The following DST variants were observed in gnomAD, a reference collection of about 807,000 sequenced individuals.
DST encodes the protein bullous pemphigoid antigen.
A neutral mutation model predicts 875.2 loss-of-function variants in DST; 253 were observed. That is an observed-to-expected ratio of 0.29 (90% CI 0.26 to 0.32). The LOEUF is 0.32. DST is among the 10% of genes least tolerant of loss of function. The probability of loss-of-function intolerance (pLI) is 1.00; values close to 1 mark genes in which losing one functional copy is unlikely to be tolerated. For synonymous variants in DST, 3,124 were observed against 3,197.1 expected, an observed-to-expected ratio of 0.98 and a Z score of 0.77; for missense variants, 8,287 against 9,111.6, an observed-to-expected ratio of 0.91 and a Z score of 3.68.
chr6:56,764,976 AG>A (rs2099629265), intron 4 of DST, among the ~76,000 whole-genome samples: 1 of 43,968 alleles, frequency 2.3e-5, no homozygotes, highest in African/African-American at 9.2e-5. Flanking sequence ...GAAGAAAGGG[AG>A]GGAGGGAGGG....
At chr6:56,538,627 T>A (rs548196164) in intron 61 of DST, among the ~76,000 whole-genome samples, 1 of 152,318 alleles carries the variant, frequency 6.6e-6, no homozygotes, top group African/African-American at 2.4e-5. Flanking sequence ...ACTGTATACA[T>A]GAGTAAATTA....
intron 4 of DST, among the ~76,000 whole-genome samples, chr6:56,742,825 C>G (rs769956206): frequency 2.0e-5 from 3 of 152,208 alleles, no homozygotes; most frequent in Non-Finnish European, 2.9e-5. Flanking sequence ...CCTTTATAGG[C>G]TAGACATACA....
chr6:56,803,040 G>T (rs998648787), intron 4 of DST, among the ~76,000 whole-genome samples: 4 of 152,074 alleles, frequency 2.6e-5, no homozygotes, highest in African/African-American at 9.7e-5. Flanking sequence ...TGCCATTTGG[G>T]GGCTGTTTTT....
At chr6:56,882,802 T>C (rs1021129747) in intron 3 of DST, among the ~76,000 whole-genome samples, 1 of 152,172 alleles carries the variant, frequency 6.6e-6, no homozygotes, top group Non-Finnish European at 1.5e-5. Context: ...TAAGAAAAAA[T>C]TGTTAGACCA....
intron 2 of DST, among the ~76,000 whole-genome samples, chr6:56,931,501 G>A (rs568207623): frequency 1.3e-5 from 2 of 152,236 alleles, no homozygotes; most frequent in Non-Finnish European, 2.9e-5. Flanking sequence ...GAGGGCCACC[G>A]ACCTCCAGAC....
intron 36 of DST, chr6:56,616,865 T>C: frequency 6.2e-7 from 1 of 1,614,040 alleles, no homozygotes; most frequent in Non-Finnish European, 8.5e-7. Context: ...GAATTCGGGG[T>C]CAACAACTCC....
chr6:56,524,854 T>G (rs562786184), intron 69 of DST, among the ~76,000 whole-genome samples: 1 of 152,272 alleles, frequency 6.6e-6, no homozygotes, highest in East Asian at 1.9e-4. Flanking sequence ...TACATATGCT[T>G]TCTTTCATGA....
At chr6:56,595,411 C>T (rs1340293497) in intron 47 of DST, among the ~76,000 whole-genome samples, 1 of 152,144 alleles carries the variant, frequency 6.6e-6, no homozygotes, top group African/African-American at 2.4e-5. Context: ...TACTCACTGC[C>T]TTCTAACCTA....
intron 90 of DST, among the ~76,000 whole-genome samples, chr6:56,478,029 T>A (rs535875234): frequency 1.3e-5 from 2 of 150,904 alleles, no homozygotes; most frequent in Non-Finnish European, 3.0e-5. Context: ...CTTTATAGGA[T>A]ATTTCATGCT....
At chr6:56,481,749 C>G (rs1321274777) in intron 90 of DST, among the ~76,000 whole-genome samples, 1 of 152,126 alleles carries the variant, frequency 6.6e-6, no homozygotes, top group Non-Finnish European at 1.5e-5. Context: ...CAATCTTGAC[C>G]AATTTTGGTC....
chr6:56,604,319 T>A lies in DST; in HGVS notation c.10309A>T (p.Ile3437Phe). 1 of 1,612,478 alleles carries A rather than the reference T, an allele frequency of 6.2e-7. No individual in the cohort carries two copies. The highest frequency in any genetic ancestry group is 8.5e-7 in the Non-Finnish European group (1 of 1,179,086). The change falls in exon 40 of 104, where the codon ATT becomes TTT. Residue 3437 changes from isoleucine (I) to phenylalanine (F), a missense_variant. Around this residue, in one of 10 missense-constraint regions of DST, gnomAD observed 3,138 missense variants for 3,116.6 expected, o/e 1.01. Coordinates refer to ENST00000680361, the MANE Select transcript of DST (RefSeq NM_001374736.1). ...KPESRDDPFC[I>F]GNLKSELLLN... ...AGAAGCTCAGACTTAAGATTTCCAATACAGAAAGGATCATCTCTACTTTCT... is the reference window on the plus strand; with the variant it reads ...AGAAGCTCAGACTTAAGATTTCCAAAACAGAAAGGATCATCTCTACTTTCT...
chr6:56,769,779 T>C (rs1181508335), intron 4 of DST, among the ~76,000 whole-genome samples: 3 of 152,188 alleles, frequency 2.0e-5, no homozygotes, highest in African/African-American at 7.2e-5. Flanking sequence ...ATCACGCCAC[T>C]GCACTCCAGC....
chr6:56,825,872 T>C (rs2099779856), intron 4 of DST, among the ~76,000 whole-genome samples: 2 of 152,250 alleles, frequency 1.3e-5, no homozygotes, highest in African/African-American at 2.4e-5. Context: ...TTAATTGTCC[T>C]GTGACAAACC....
At chr6:56,650,770 G>A (rs1195545233) in intron 12 of DST, among the ~76,000 whole-genome samples, 156 bp downstream of exon 12, 1 of 152,120 alleles carries the variant, frequency 6.6e-6, no homozygotes, top group Non-Finnish European at 1.5e-5. Context: ...ATAATGTCAT[G>A]AAATACATAG....
At position 56,536,867 on chromosome 6, in the gene DST, A is replaced by G. The variant is rs770338916; in HGVS notation, c.16682T>C (p.Ile5561Thr). ...QDVNWLGQGL[I>T]QSAAKSTSTQ... ...GCTAGTGCTTTTGGCAGCACTCTGA[A>G]TAAGGCCTTGACCTAACCAGTTTAC... The change falls in exon 62 of 104, where the codon ATT becomes ACT. Residue 5561 changes from isoleucine (I) to threonine (T), a missense_variant. Physicochemically the swap from Ile to Thr is moderately conservative, Grantham distance 89. Around this residue, in one of 10 missense-constraint regions of DST, gnomAD observed 777 missense variants for 764.8 expected, o/e 1.02. Coordinates refer to ENST00000680361, the MANE Select transcript of DST (RefSeq NM_001374736.1). 6.2e-7 allele frequency: 1 copy of G among 1,613,876 alleles called. No homozygotes were observed. The highest frequency in any genetic ancestry group is 8.5e-7 in the Non-Finnish European group (1 of 1,179,792).
At chr6:56,527,392 A>G in intron 68 of DST, 101 bp downstream of exon 68, 2 of 1,410,510 alleles carry the variant, frequency 1.4e-6, no homozygotes, top group Non-Finnish European at 1.9e-6. Context: ...GGCATCCTTC[A>G]GCATATGTAA....
At chr6:56,627,640 G>T (rs1406174925) in intron 33 of DST, among the ~76,000 whole-genome samples, 1 of 152,138 alleles carries the variant, frequency 6.6e-6, no homozygotes, top group Non-Finnish European at 1.5e-5. Flanking sequence ...GTCAAATGTG[G>T]TATTTAATTT....
intron 5 of DST, among the ~76,000 whole-genome samples, chr6:56,709,206 A>G (rs2099352808): frequency 6.6e-6 from 1 of 152,194 alleles, no homozygotes; most frequent in Non-Finnish European, 1.5e-5. Context: ...TCTAGGGGGC[A>G]CTAATCTTTT....
chr6:56,734,805 C>T (rs1008330991), intron 5 of DST, among the ~76,000 whole-genome samples: 45 of 152,048 alleles, frequency 3.0e-4, no homozygotes, highest in African/African-American at 9.9e-4. Flanking sequence ...GACTTCTGTC[C>T]CTACAATATC....
Sources: allele counts gnomAD v4.1 joint callset (sites outside exome capture counted in the v4.1 genomes callset), GRCh38; gene constraint gnomAD v4.1.1; regional missense constraint gnomAD v4.1.1; transcripts MANE v1.5; gene names NCBI Gene and HGNC (gene_info 2026-07-23, HGNC 2026-07-21).